Variants in ZCCHC7 observed in about 807,000 individuals in gnomAD.
ZCCHC7 encodes zinc finger CCHC domain-containing protein 7.
A neutral mutation model predicts 52.0 loss-of-function variants in ZCCHC7; 35 were observed. That is an observed-to-expected ratio of 0.67 (90% CI 0.51 to 0.89). ZCCHC7 has a LOEUF of 0.89. ZCCHC7 is among the 40% of genes least tolerant of loss of function. The pLI is 0.00. For missense variants in ZCCHC7, 574 were observed against 649.1 expected, an observed-to-expected ratio of 0.88 and a Z score of 1.26; for synonymous variants, 217 against 221.5, an observed-to-expected ratio of 0.98 and a Z score of 0.18.
At chr9:37,344,712 C>T (rs1470792561) in intron 6 of ZCCHC7, among the ~76,000 whole-genome samples, 1 of 151,922 alleles carries the variant, frequency 6.6e-6, no homozygotes, top group African/African-American at 2.4e-5. Flanking sequence ...TACTATTTTT[C>T]GCTAATATTT....
At chr9:37,241,763 G>C (rs1482762996) in intron 2 of ZCCHC7, among the ~76,000 whole-genome samples, 1 of 151,680 alleles carries the variant, frequency 6.6e-6, no homozygotes, top group East Asian at 1.9e-4. Context: ...AGATACTAAA[G>C]TGCCAGGCTG....
At chr9:37,347,377 ATTT>A (rs532481728) in intron 6 of ZCCHC7, among the ~76,000 whole-genome samples, 2 of 152,142 alleles carry the variant, frequency 1.3e-5, no homozygotes, top group African/African-American at 4.8e-5. Flanking sequence ...TTTTTAAAAC[ATTT>A]TTTGTTCTGA....
At chr9:37,163,385 C>CAAAAAAAAAAAA (rs1022187626) in intron 2 of ZCCHC7, among the ~76,000 whole-genome samples, 1 of 77,172 alleles carries the variant, frequency 1.3e-5, no homozygotes, top group Admixed American at 1.7e-4. Flanking sequence ...GACTCCATCT[C>CAAAAAAAAAAAA]AAAAAAAAAA....
intron 2 of ZCCHC7, among the ~76,000 whole-genome samples, chr9:37,287,937 A>T (rs1397540349): frequency 7.0e-6 from 1 of 142,696 alleles, no homozygotes; most frequent in African/African-American, 2.6e-5. Context: ...TTAAATGGTT[A>T]AAAAAAAAAA....
At position 37,305,650 on chromosome 9, in the gene ZCCHC7, G is replaced by A; in HGVS notation, c.887G>A (p.Cys296Tyr). The part of the protein sequence containing the change: ...CPVPKMLDHS[C>Y]LFRHSWDKQC... ...GTGCCTAAGATGTTGGACCACTCAT[G>A]TCTTTTCAGACATTCCTGGGATAAA... The change falls in exon 5 of 9, where the codon TGT becomes TAT. Residue 296 changes from cysteine to tyrosine, a missense_variant. Physicochemically the swap from Cys to Tyr is radical, Grantham distance 194. Around this residue, in one of 3 missense-constraint regions of ZCCHC7, gnomAD observed 403 missense variants for 461.2 expected, o/e 0.87. Transcript: ENST00000336755. 6.2e-7 allele frequency: 1 copy of A among 1,614,060 alleles called. No individual in the cohort carries two copies. Among genetic ancestry groups the A allele is most frequent in the Middle Eastern group, 1.7e-4 (1 of 6,060 alleles).
intron 2 of ZCCHC7, among the ~76,000 whole-genome samples, chr9:37,259,331 A>G (rs1255403255): frequency 3.3e-5 from 5 of 152,162 alleles, no homozygotes; most frequent in Admixed American, 6.5e-5. Flanking sequence ...TAAATAAATA[A>G]TACCTTATCA....
Position 37,305,609 on chromosome 9 carries a change from T to G in ZCCHC7, c.846T>G (p.Leu282=). The G allele has an allele frequency of 1.2e-6, 2 of 1,614,140 alleles. No homozygotes were observed. Among genetic ancestry groups the G allele is most frequent in the Non-Finnish European group, 1.7e-6 (2 of 1,180,002 alleles). The change falls in exon 5 of 9, where the codon CTT becomes CTG. Residue 282 remains leucine, a synonymous_variant. Coordinates refer to ENST00000336755, the MANE Select transcript of ZCCHC7 (RefSeq NM_032226.3). ...TCCTGTATTCCTGTCCAGCCCCCCTTTGCGAATACTGTCCTGTGCCTAAGA... is the reference window on the plus strand; with the variant it reads ...TCCTGTATTCCTGTCCAGCCCCCCTGTGCGAATACTGTCCTGTGCCTAAGA... The part of the protein sequence containing the change: ...GHLLYSCPAP[L]CEYCPVPKML...
intron 2 of ZCCHC7, among the ~76,000 whole-genome samples, chr9:37,151,131 A>T (rs1468142646): frequency 6.6e-6 from 1 of 151,206 alleles, no homozygotes; most frequent in African/African-American, 2.4e-5. Flanking sequence ...CGCCCGGCTA[A>T]TTTTTTTTGT....
At chr9:37,329,676 A>G (rs1159478442) in intron 6 of ZCCHC7, among the ~76,000 whole-genome samples, 1 of 151,896 alleles carries the variant, frequency 6.6e-6, no homozygotes, top group Non-Finnish European at 1.5e-5. Flanking sequence ...TATATGGACA[A>G]TATCCAAATG....
intron 2 of ZCCHC7, among the ~76,000 whole-genome samples, chr9:37,213,054 GT>G (rs1387951417): frequency 3.3e-5 from 5 of 152,014 alleles, no homozygotes; most frequent in African/African-American, 1.2e-4. Flanking sequence ...ACTGTTTTCT[GT>G]TTTTTAAAAC....
intron 2 of ZCCHC7, among the ~76,000 whole-genome samples, chr9:37,201,170 AT>A (rs1356726672): frequency 6.6e-6 from 1 of 152,158 alleles, no homozygotes; most frequent in South Asian, 2.1e-4. Flanking sequence ...ATCCAGAGAG[AT>A]TTACTTGTTC....
At chr9:37,352,535 T>TTTTTTTTTTA (rs1721686493) in intron 7 of ZCCHC7, among the ~76,000 whole-genome samples, 2 of 143,432 alleles carry the variant, frequency 1.4e-5, no homozygotes, top group African/African-American at 5.7e-5. Flanking sequence ...TTTTTTTTTT[T>TTTTTTTTTTA]GAGACAGAGT....
chr9:37,267,566 C>CTT lies in ZCCHC7; in HGVS notation c.611-34602_611-34601dup, dbSNP rs983055913. On this transcript the variant is annotated intron_variant, in intron 2 of 8. Coordinates refer to ENST00000336755, the MANE Select transcript of ZCCHC7 (RefSeq NM_032226.3). Reference sequence around the variant, plus strand: ...GACTACCATGCACGGCTAATTTTTTCTTTTTTTTTTTTTTTTTTTTTGAGA... The same window carrying CTT: ...GACTACCATGCACGGCTAATTTTTTCTTTTTTTTTTTTTTTTTTTTTTTGAGA... Among the ~76,000 whole-genome samples, 165 of 115,256 alleles carry CTT rather than the reference C, an allele frequency of 1.4e-3. 1 individual carries two copies. The highest frequency in any genetic ancestry group is 4.1e-3 in the South Asian group (14 of 3,412). 75.6% of individuals were successfully genotyped at this position (115,256 alleles called of 152,430 possible). A position where few individuals can be genotyped will look rare whatever the true frequency, so the allele number is the denominator to read the frequency against.
chr9:37,189,455 C>A lies in ZCCHC7; in HGVS notation c.610+62513C>A, dbSNP rs541416220. Among the ~76,000 whole-genome samples, 12 of 152,262 alleles carry A rather than the reference C, an allele frequency of 7.9e-5. No homozygotes were observed. The East Asian group carries it at 2.1e-3, about 27-fold the overall frequency. ...AGGCTGGAGTGCAACAGCGTGGTCT[C>A]GGCTCACTGCAACCTCTGCTTCCTG... On this transcript the variant is annotated intron_variant, in intron 2 of 8. Transcript: ENST00000336755.
rs111539400 is a variant in ZCCHC7, at chr9:37,226,545, T to G, written c.611-75643T>G. On this transcript the variant is annotated intron_variant, in intron 2 of 8. Transcript: ENST00000336755. ...TGTAGATGTATGGGACAGAAAAGAA[T>G]CTAGTAGATTTACATAAAGATACCA... is the stretch of plus-strand genomic sequence containing the variant. Among the ~76,000 whole-genome samples the G allele has an allele frequency of 4.6e-5, 7 of 152,294 alleles. 1 individual carries two copies. Among genetic ancestry groups the G allele is most frequent in the African/African-American group, 1.7e-4 (7 of 41,582 alleles).
In ZCCHC7 at chr9:37,354,149, A is replaced by G. The variant is rs1025188537; in HGVS notation, c.1084-561A>G. Among the ~76,000 whole-genome samples, 12 of 152,208 alleles carry G rather than the reference A, an allele frequency of 7.9e-5. No homozygotes were observed. Among genetic ancestry groups the G allele is most frequent in the Non-Finnish European group, 1.8e-4 (12 of 68,040 alleles). On this transcript the variant is annotated intron_variant, in intron 7 of 8. Coordinates refer to ENST00000336755, the MANE Select transcript of ZCCHC7 (RefSeq NM_032226.3). The surrounding 1 kb of genome is among the most constrained non-coding windows in gnomAD (Gnocchi z 4.0). ...CTCACAATTACCTAGGAACAATTTT[A>G]AACTAGGCATAACCTACCACCAACC...
At chr9:37,183,173 C>G (rs1822460556) in intron 2 of ZCCHC7, among the ~76,000 whole-genome samples, 1 of 152,168 alleles carries the variant, frequency 6.6e-6, no homozygotes, top group South Asian at 2.1e-4. Context: ...CATAAATCAG[C>G]AGTAGCTTAT....
chr9:37,304,143 A>T, intron 3 of ZCCHC7, 45 bp from the exon 4 acceptor site: 1 of 1,578,368 alleles, frequency 6.3e-7, no homozygotes, highest in Non-Finnish European at 8.6e-7. Flanking sequence ...GCTTTTATTT[A>T]GCAGTGAAAC....
At chr9:37,199,722 T>G (rs1041942172) in intron 2 of ZCCHC7, among the ~76,000 whole-genome samples, 1 of 148,600 alleles carries the variant, frequency 6.7e-6, no homozygotes, top group African/African-American at 2.6e-5. Context: ...CTTTCTTTCT[T>G]TCTTTCTCCT....
Sources: allele counts gnomAD v4.1 joint callset (sites outside exome capture counted in the v4.1 genomes callset), GRCh38; gene constraint gnomAD v4.1.1; regional missense constraint gnomAD v4.1.1; non-coding constraint Gnocchi (gnomAD v3.1); transcripts MANE v1.5; gene names NCBI Gene and HGNC (gene_info 2026-07-23, HGNC 2026-07-21).